PIK3C2G: variants seen among roughly 807,000 people sequenced by gnomAD.
The protein encoded by PIK3C2G is phosphatidylinositol-4-phosphate 3-kinase catalytic subunit type 2 gamma.
PIK3C2G carries 168 observed loss-of-function variants against 181.1 expected under a neutral mutation model. That is an observed-to-expected ratio of 0.93 (90% CI 0.82 to 1.05). The LOEUF (loss-of-function observed/expected upper bound fraction) is 1.05. Among genes scored for constraint, PIK3C2G ranks in the 50% least tolerant of loss-of-function variants. The pLI, the probability that PIK3C2G is intolerant of heterozygous loss-of-function variation, is 0.00. For synonymous variants in PIK3C2G, 573 were observed against 592.2 expected, an observed-to-expected ratio of 0.97 and a Z score of 0.47; for missense variants, 1,869 against 1,732.8, an observed-to-expected ratio of 1.08 and a Z score of -1.40.
At chr12:18,290,074 C>T (rs1346155445) in intron 3 of PIK3C2G, among the ~76,000 whole-genome samples, 2 of 151,994 alleles carry the variant, frequency 1.3e-5, no homozygotes, top group African/African-American at 2.4e-5. Flanking sequence ...TTTTACATGT[C>T]TTTTCTATTG....
At chr12:18,529,510 C>T (rs535303565) in intron 24 of PIK3C2G, among the ~76,000 whole-genome samples, 1 of 152,246 alleles carries the variant, frequency 6.6e-6, no homozygotes, top group Admixed American at 6.5e-5. Flanking sequence ...GTGGTATTAT[C>T]TAGACGCATA....
At chr12:18,320,846 G>T in intron 6 of PIK3C2G, 116 bp from the exon 7 acceptor site, 1 of 649,036 alleles carries the variant, frequency 1.5e-6, no homozygotes. Flanking sequence ...TAAAAGCGAT[G>T]AATGAGGTTT....
At chr12:18,647,766 C>A in intron 32 of PIK3C2G, 110 bp from the exon 33 acceptor site, 1 of 500,830 alleles carries the variant, frequency 2.0e-6, no homozygotes, top group Non-Finnish European at 3.3e-6. Flanking sequence ...CCTATCTATT[C>A]CAGGGTATAA....
intron 1 of PIK3C2G, among the ~76,000 whole-genome samples, chr12:18,270,584 T>C (rs1948706513): frequency 6.6e-6 from 1 of 152,206 alleles, no homozygotes; most frequent in African/African-American, 2.4e-5. Context: ...ATTGGACCAG[T>C]ATTCTATAAA....
chr12:18,678,924 T>C, the PIK3C2G span, among the ~76,000 whole-genome samples: 1 of 152,062 alleles, frequency 6.6e-6, no homozygotes, highest in South Asian at 2.1e-4. Context: ...TCAAACTGTT[T>C]TCACAGTGAT....
chr12:18,570,321 G>A (rs922058737), intron 29 of PIK3C2G, among the ~76,000 whole-genome samples: 8 of 151,358 alleles, frequency 5.3e-5, no homozygotes, highest in South Asian at 2.1e-4. Context: ...CAATTCTCCC[G>A]CCTCAGCCTC....
At chr12:18,615,367 G>GTGTGTGTGTGTGTA (rs1163460591) in intron 31 of PIK3C2G, among the ~76,000 whole-genome samples, 88 of 88,574 alleles carry the variant, frequency 9.9e-4, no homozygotes, top group African/African-American at 3.3e-3. Flanking sequence ...GTGTGTGTGT[G>GTGTGTGTGTGTGTA]TGTATGTGTA....
chr12:18,398,723 C>G (rs1264763832), intron 15 of PIK3C2G, among the ~76,000 whole-genome samples: 1 of 152,184 alleles, frequency 6.6e-6, no homozygotes, highest in African/African-American at 2.4e-5. Context: ...GGGGCAAATA[C>G]TTGAGCATCT....
chr12:18,362,292 C>T (rs915754925), intron 11 of PIK3C2G, among the ~76,000 whole-genome samples: 1 of 152,136 alleles, frequency 6.6e-6, no homozygotes, highest in Admixed American at 6.5e-5. Context: ...AAAGCTAGTT[C>T]CTTGTGTAGC....
intron 31 of PIK3C2G, among the ~76,000 whole-genome samples, chr12:18,627,474 G>A (rs1949153918): frequency 6.6e-6 from 1 of 151,984 alleles, no homozygotes; most frequent in Non-Finnish European, 1.5e-5. Context: ...TGGTGTTTGT[G>A]CATTTGTGGA....
the PIK3C2G span, among the ~76,000 whole-genome samples, chr12:18,665,400 C>T: frequency 6.6e-6 from 1 of 151,912 alleles, no homozygotes; most frequent in Non-Finnish European, 1.5e-5. Context: ...ATTTGTATTT[C>T]ACCACAAGAA....
chr12:18,580,305 C>T (rs1946433854), intron 29 of PIK3C2G, among the ~76,000 whole-genome samples: 1 of 152,122 alleles, frequency 6.6e-6, no homozygotes, highest in South Asian at 2.1e-4. Context: ...TAGCTCTTCT[C>T]AGTACTGTTG....
chr12:18,387,382 CT>C (rs1343818979), intron 14 of PIK3C2G, among the ~76,000 whole-genome samples: 1 of 152,178 alleles, frequency 6.6e-6, no homozygotes, highest in Non-Finnish European at 1.5e-5. Context: ...AGCATGACCC[CT>C]GTCCCATCGC....
At chr12:18,709,733 G>C in the PIK3C2G span, among the ~76,000 whole-genome samples, 1 of 152,024 alleles carries the variant, frequency 6.6e-6, no homozygotes, top group Non-Finnish European at 1.5e-5. Context: ...AAAAAACCCT[G>C]TGTATTGCTT....
chr12:18,645,353 A>G (rs1174281672), intron 32 of PIK3C2G, among the ~76,000 whole-genome samples: 3 of 152,208 alleles, frequency 2.0e-5, no homozygotes, highest in Non-Finnish European at 4.4e-5. Flanking sequence ...TTTATCATCT[A>G]TAATGTGCAA....
At chr12:18,459,174 T>C (rs373310197) in intron 18 of PIK3C2G, among the ~76,000 whole-genome samples, 29 of 152,274 alleles carry the variant, frequency 1.9e-4, no homozygotes, top group Non-Finnish European at 3.4e-4. Flanking sequence ...AAGAAGTTTA[T>C]CACTGGAAAT....
At chr12:18,607,749 A>G (rs1948111998) in intron 30 of PIK3C2G, among the ~76,000 whole-genome samples, 1 of 152,196 alleles carries the variant, frequency 6.6e-6, no homozygotes, top group Admixed American at 6.5e-5. Flanking sequence ...AACTACCATC[A>G]GAGTGAACAG....
At chr12:18,668,391 T>C in the PIK3C2G span, among the ~76,000 whole-genome samples, 2 of 152,138 alleles carry the variant, frequency 1.3e-5, no homozygotes, top group Admixed American at 1.3e-4. Context: ...AAGGGAAAAT[T>C]TGTAAAAGGA....
At chr12:18,511,741 C>A (rs1010514395) in intron 24 of PIK3C2G, among the ~76,000 whole-genome samples, 16 of 152,000 alleles carry the variant, frequency 1.1e-4, no homozygotes, top group Admixed American at 3.9e-4. Context: ...AAATGGTTTG[C>A]AAACATTTTC....
Sources: allele counts gnomAD v4.1 joint callset (sites outside exome capture counted in the v4.1 genomes callset), GRCh38; gene constraint gnomAD v4.1.1; transcripts MANE v1.5; gene names NCBI Gene and HGNC (gene_info 2026-07-23, HGNC 2026-07-21).